Variants in SEC16B observed in about 807,000 individuals in gnomAD.
SEC16B encodes SEC16 homolog B, endoplasmic reticulum export factor, also known as protein transport protein Sec16B.
SEC16B carries 115 observed loss-of-function variants against 141.8 expected under a neutral mutation model. The ratio of observed to expected loss-of-function variants is 0.81; its 90% CI spans 0.70 to 0.95. The LOEUF (loss-of-function observed/expected upper bound fraction) is 0.95. Ranked by LOEUF, SEC16B falls within the 40% of genes least tolerant of loss-of-function variation. The pLI is 0.00. For missense variants in SEC16B, 1,291 were observed against 1,312.3 expected, an observed-to-expected ratio of 0.98 and a Z score of 0.25; for synonymous variants, 493 against 492.5, an observed-to-expected ratio of 1.00 and a Z score of -0.01.
intron 24 of SEC16B, among the ~76,000 whole-genome samples, 192 bp from the exon 25 acceptor site, chr1:177,930,835 AT>A (rs1650363309): frequency 1.3e-5 from 2 of 152,266 alleles, no homozygotes; most frequent in African/African-American, 4.8e-5. Flanking sequence ...AATGAAAAAA[AT>A]GTTCAACATC....
intron 1 of SEC16B, among the ~76,000 whole-genome samples, chr1:177,981,350 T>C (rs1426149635): frequency 2.0e-5 from 3 of 151,996 alleles, no homozygotes; most frequent in Non-Finnish European, 2.9e-5. Flanking sequence ...GCCATGGTGA[T>C]TAACTCAGCA....
Position 177,933,301 on chromosome 1 carries a change from A to G in SEC16B, c.2736T>C (p.Phe912=). Residue 912 remains phenylalanine, a synonymous_variant, in exon 22 of 26, where the codon TTT becomes TTC. Transcript: ENST00000308284. ...TCGATCGAAACCAGCTGAACCAGCC[A>G]AACCCTGAGCTCTGGAAGGGGAAGA... is the stretch of plus-strand genomic sequence containing the variant. ...DGKEHTKSSG[F]GWFSWFRSKP... is the part of the protein sequence containing the mutation. 1 of 1,601,376 alleles carries G rather than the reference A, an allele frequency of 6.2e-7. No homozygotes were observed. Among genetic ancestry groups the G allele is most frequent in the Non-Finnish European group, 8.5e-7 (1 of 1,173,774 alleles).
At chr1:177,944,852 C>T (rs1211467280) in intron 14 of SEC16B, among the ~76,000 whole-genome samples, 186 bp from the exon 15 acceptor site, 1 of 152,110 alleles carries the variant, frequency 6.6e-6, no homozygotes. Context: ...CACTTCCTCT[C>T]CCTCTCCCTC....
chr1:177,937,177 T>C (rs761668026), intron 19 of SEC16B, 37 bp downstream of exon 19: 1 of 1,568,208 alleles, frequency 6.4e-7, no homozygotes, highest in East Asian at 2.2e-5. Flanking sequence ...ACCCAGACCC[T>C]ACATTCAATG....
Position 177,958,296 on chromosome 1 carries a change from G to C in SEC16B, c.1201C>G (p.Arg401Gly), listed in dbSNP as rs779842091. Reference protein sequence around the residue: ...QDCKKLEKYKRQPPVANLINL... With the variant: ...QDCKKLEKYKGQPPVANLINL... The stretch of plus-strand genomic sequence containing the variant: ...ATGAGGTTGGCCACAGGGGGCTGCC[G>C]CTTGTACTTCTCCAGCTTCTTGCAG... Residue 401 changes from arginine (R) to glycine (G), a missense_variant, in exon 10 of 26, where the codon CGG becomes GGG. Arg to Gly is a moderately radical substitution (Grantham distance 125). Transcript: ENST00000308284. 6.2e-7 allele frequency: 1 copy of C among 1,610,030 alleles called. No individual in the cohort carries two copies. The highest frequency in any genetic ancestry group is 8.5e-7 in the Non-Finnish European group (1 of 1,178,118).
Position 177,929,855 on chromosome 1 carries a change from T to C in SEC16B, c.*3A>G. 2 of 1,613,860 alleles carry C rather than the reference T, an allele frequency of 1.2e-6. No individual in the cohort carries two copies. Among genetic ancestry groups the C allele is most frequent in the Non-Finnish European group, 1.7e-6 (2 of 1,179,862 alleles). ...GAGATGAGCCTGGGACGTGTGTTTA[T>C]TCTCAGCATGGCTGGGTGGGATAGC... On this transcript the variant is annotated 3_prime_UTR_variant, in exon 26 of 26. Coordinates refer to ENST00000308284, the MANE Select transcript of SEC16B (RefSeq NM_033127.4).
Position 177,933,600 on chromosome 1 carries a change from T to G in SEC16B, c.2608A>C (p.Ser870Arg). 1 of 1,613,954 alleles carries G rather than the reference T, an allele frequency of 6.2e-7. No individual in the cohort carries two copies. The highest frequency in any genetic ancestry group is 8.5e-7 in the Non-Finnish European group (1 of 1,179,862). Residue 870 changes from serine (S) to arginine (R), a missense_variant, in exon 21 of 26, where the codon AGT becomes CGT. Physicochemically the swap from Ser to Arg is moderately radical, Grantham distance 110 (BLOSUM62 -1). This residue lies in a region of SEC16B where 605 missense variants were observed against 614.1 expected (regional missense o/e 0.99). Coordinates refer to ENST00000308284, the MANE Select transcript of SEC16B (RefSeq NM_033127.4). ...LAARPRSISE[S>R]SASSAKEDEK... ...TCCTCCTTGGCTGAACTGGCGGAAC[T>G]CTCAGAAATACTTCGTGGTCTAGCA...
chr1:177,934,126 T>C (rs6672875), intron 20 of SEC16B, among the ~76,000 whole-genome samples: 60 of 147,788 alleles, frequency 4.1e-4, no homozygotes, highest in African/African-American at 1.4e-3. Context: ...CCACATCCCT[T>C]TACATTAACT....
chr1:177,951,809 T>C (rs988757303), intron 12 of SEC16B, 105 bp downstream of exon 12: 20 of 838,098 alleles, frequency 2.4e-5, no homozygotes, highest in Middle Eastern at 2.4e-4. Flanking sequence ...ATTAATATTA[T>C]CATCACTTTT....
intron 1 of SEC16B, among the ~76,000 whole-genome samples, chr1:177,982,006 G>T (rs1654438758): frequency 6.6e-6 from 1 of 152,110 alleles, no homozygotes; most frequent in Non-Finnish European, 1.5e-5. Flanking sequence ...AATAGTTTAA[G>T]GTAAAAAGCA....
upstream of SEC16B, among the ~76,000 whole-genome samples, chr1:177,974,403 G>A (rs956496982): frequency 3.9e-5 from 6 of 152,166 alleles, no homozygotes; most frequent in Admixed American, 1.3e-4. Flanking sequence ...ACAGAAAGAG[G>A]AGCCTATGAA....
intron 5 of SEC16B, among the ~76,000 whole-genome samples, chr1:177,962,649 G>A (rs548383253): frequency 6.6e-6 from 1 of 152,080 alleles, no homozygotes; most frequent in African/African-American, 2.4e-5. Context: ...GGGAGGCTGA[G>A]GTGGAAGGAT....
chr1:177,936,752 C>A (rs144251408), intron 19 of SEC16B, among the ~76,000 whole-genome samples: 1 of 152,174 alleles, frequency 6.6e-6, no homozygotes, highest in South Asian at 2.1e-4. Flanking sequence ...CATCACTCAG[C>A]ATTGCTTACC....
intron 10 of SEC16B, among the ~76,000 whole-genome samples, chr1:177,956,774 T>A (rs1652634306): frequency 6.6e-6 from 1 of 152,192 alleles, no homozygotes; most frequent in African/African-American, 2.4e-5. Context: ...CAAGTGCCCA[T>A]ACAACCATTC....
chr1:177,944,564 G>A lies in SEC16B; in HGVS notation c.1878C>T (p.Phe626=), dbSNP rs760800130. 7 of 1,613,022 alleles carry A rather than the reference G, an allele frequency of 4.3e-6. No homozygotes were observed. Residue 626 remains phenylalanine (F), a synonymous_variant, in exon 15 of 26, where the codon TTC becomes TTT. Coordinates refer to ENST00000308284, the MANE Select transcript of SEC16B (RefSeq NM_033127.4). The part of the protein sequence containing the change: ...LGRPKSFIPS[F]QVYKLLYASR... ...GGCCTCATCTGGGCTCAGTTACCTG[G>A]AAAGAAGGGATGAAGGATTTGGGGC...
At chr1:177,941,830 G>C in intron 16 of SEC16B, 70 bp downstream of exon 16, 1 of 1,533,730 alleles carries the variant, frequency 6.5e-7, no homozygotes, top group Non-Finnish European at 8.9e-7. Flanking sequence ...TAGAGTCTAA[G>C]CTGCTCTACG....
In SEC16B at chr1:177,933,322, G is replaced by A. The variant is rs1219537761; in HGVS notation, c.2725-10C>T. ...AGCCAAACCCTGAGCTCTGGAAGGGGAAGAGGACATTTTATGACCTGCAGG... is the reference window on the plus strand; with the variant it reads ...AGCCAAACCCTGAGCTCTGGAAGGGAAAGAGGACATTTTATGACCTGCAGG... On this transcript the variant is annotated splice_polypyrimidine_tract_variant and intron_variant, in intron 21 of 25. Transcript: ENST00000308284. 3.8e-6 allele frequency: 6 copies of A among 1,591,498 alleles called. No individual in the cohort carries two copies. The South Asian group carries it at 6.9e-5, about 18-fold the overall frequency.
intron 1 of SEC16B, among the ~76,000 whole-genome samples, chr1:177,980,759 G>GA (rs934472258): frequency 3.1e-3 from 251 of 81,254 alleles, no homozygotes; most frequent in African/African-American, 7.8e-3. Context: ...GTTTCTCTGC[G>GA]AAAAAAAAAA....
At chr1:177,955,120 C>G (rs773047780) in intron 10 of SEC16B, among the ~76,000 whole-genome samples, 25 of 150,070 alleles carry the variant, frequency 1.7e-4, no homozygotes, top group Admixed American at 1.1e-3. Flanking sequence ...AAATCAATGA[C>G]AAAAAAATTC....
Sources: gnomAD v4.1 joint callset for allele counts (sites outside exome capture counted in the v4.1 genomes callset) on GRCh38, gnomAD v4.1.1 for gene constraint, gnomAD v4.1.1 regional missense constraint, MANE v1.5 for transcripts, NCBI Gene and HGNC (gene_info 2026-07-23, HGNC 2026-07-21) for gene names.